POLR2B: variants seen among roughly 807,000 people sequenced by gnomAD.
POLR2B encodes DNA-directed RNA polymerase II subunit RPB2.
POLR2B carries 57 observed loss-of-function variants against 144.6 expected under a neutral mutation model. The ratio of observed to expected loss-of-function variants is 0.39; its 90% confidence interval spans 0.32 to 0.49. The LOEUF (loss-of-function observed/expected upper bound fraction) is 0.49. Among genes scored for constraint, POLR2B ranks in the 20% least tolerant of loss-of-function variants. The pLI, the probability that POLR2B is intolerant of heterozygous loss-of-function variation, is 0.83. For synonymous variants in POLR2B, 442 were observed against 469.8 expected, an observed-to-expected ratio of 0.94 and a Z score of 0.77; for missense variants, 595 against 1,467.4, an observed-to-expected ratio of 0.41 and a Z score of 9.71.
chr4:57,031,157 T>C lies in POLR2B; in HGVS notation c.*169T>C. 1.3e-6 allele frequency: 1 copy of C among 740,894 alleles called. No homozygotes were observed. The highest frequency in any genetic ancestry group is 2.3e-6 in the Non-Finnish European group (1 of 432,808). The allele number at this position is 740,894 out of a possible 1,614,324, so 45.9% of individuals were successfully genotyped here. A position where few individuals can be genotyped will look rare whatever the true frequency, so the allele number is the denominator to read the frequency against. On this transcript the variant is annotated 3_prime_UTR_variant, in exon 25 of 25. Coordinates refer to ENST00000314595, the MANE Select transcript of POLR2B (RefSeq NM_000938.3). The stretch of plus-strand genomic sequence containing the variant: ...ATATATAATAAATTTTTGTAGATAG[T>C]CTTGATGTGTGATCTTTATTTTGTA...
chr4:57,013,443 T>C (rs1157713263), intron 13 of POLR2B, among the ~76,000 whole-genome samples: 3 of 152,180 alleles, frequency 2.0e-5, no homozygotes, highest in Admixed American at 6.5e-5. Flanking sequence ...ATCTGGGCAC[T>C]ATGTTGCCCA....
intron 17 of POLR2B, 87 bp downstream of exon 17, chr4:57,021,082 C>T (rs1026920467): frequency 5.3e-6 from 4 of 759,892 alleles, no homozygotes; most frequent in African/African-American, 5.2e-5. Flanking sequence ...TACAGTTTAA[C>T]TACGCCGCAC....
chr4:56,982,470 A>G (rs1453920812), intron 1 of POLR2B, among the ~76,000 whole-genome samples: 1 of 152,006 alleles, frequency 6.6e-6, no homozygotes, highest in African/African-American at 2.4e-5. Flanking sequence ...TCCTCGGGAT[A>G]CTGAGGTGGG....
intron 1 of POLR2B, among the ~76,000 whole-genome samples, chr4:56,983,671 G>C (rs891920847): frequency 6.6e-6 from 1 of 151,946 alleles, no homozygotes; most frequent in Non-Finnish European, 1.5e-5. Context: ...CGCCCGGCCA[G>C]CTTTTTAAAG....
chr4:56,981,764 A>G (rs1452355444), intron 1 of POLR2B, among the ~76,000 whole-genome samples: 1 of 152,250 alleles, frequency 6.6e-6, no homozygotes. Flanking sequence ...AGCCAAACTT[A>G]TAAAAATAAT....
chr4:57,002,947 C>T (rs1722899887), intron 7 of POLR2B, among the ~76,000 whole-genome samples: 1 of 152,126 alleles, frequency 6.6e-6, no homozygotes, highest in Non-Finnish European at 1.5e-5. Flanking sequence ...CCAGAGTTGT[C>T]AAATGTTACC....
In POLR2B at chr4:57,017,481, T is replaced by G. The variant is rs1476858779; in HGVS notation, c.2155-79T>G. On this transcript the variant is annotated intron_variant, in intron 15 of 24. Coordinates refer to ENST00000314595, the MANE Select transcript of POLR2B (RefSeq NM_000938.3). The surrounding 1 kb of genome is among the most constrained non-coding windows in gnomAD (Gnocchi z 4.8). ...AATCAGGAGTTTTACCAATCATATT[T>G]CTTTTGATTTATTGTCAGAGTCTTT... is the stretch of plus-strand genomic sequence containing the variant. 3.4e-6 allele frequency: 4 copies of G among 1,189,898 alleles called. No homozygotes were observed. The highest frequency in any genetic ancestry group is 4.7e-6 in the Non-Finnish European group (4 of 846,614). The allele number at this position is 1,189,898 out of a possible 1,614,324, so 73.7% of individuals were successfully genotyped here. A position where few individuals can be genotyped will look rare whatever the true frequency, so the allele number is the denominator to read the frequency against.
intron 1 of POLR2B, among the ~76,000 whole-genome samples, chr4:56,982,610 T>C (rs534636052): frequency 6.6e-6 from 1 of 152,234 alleles, no homozygotes; most frequent in East Asian, 1.9e-4. Flanking sequence ...AATTGCGTCC[T>C]TGTAAAAATG....
At position 57,006,813 on chromosome 4, in the gene POLR2B, C is replaced by T; in HGVS notation, c.1218-3C>T. The T allele has an allele frequency of 6.3e-7, 1 of 1,597,530 alleles. No homozygotes were observed. ...TTTAAAATAATACCATTTTATTCGGCAGTATGTTTAAGAATTTGCTTAAAG... is the reference window on the plus strand; with the variant it reads ...TTTAAAATAATACCATTTTATTCGGTAGTATGTTTAAGAATTTGCTTAAAG... On this transcript the variant is annotated splice_region_variant and splice_polypyrimidine_tract_variant and intron_variant, in intron 9 of 24. Transcript: ENST00000314595.
intron 2 of POLR2B, among the ~76,000 whole-genome samples, chr4:56,990,432 C>T (rs574195437): frequency 1.4e-4 from 21 of 152,180 alleles, no homozygotes; most frequent in African/African-American, 4.6e-4. Flanking sequence ...CATTGCGTTG[C>T]CCAGGCTGAA....
chr4:57,026,491 CTTTTG>C (rs1578595478), intron 23 of POLR2B, among the ~76,000 whole-genome samples: 1 of 152,080 alleles, frequency 6.6e-6, no homozygotes, highest in African/African-American at 2.4e-5. Flanking sequence ...ACCCAAAATG[CTTTTG>C]TTTTATGTGA....
Position 57,024,992 on chromosome 4 carries a change from G to C in POLR2B, c.3071G>C (p.Gly1024Ala). ...TCTGATTATGGCTATCATCTCAGAGGAAATGAGGTATATTTGCTCTTATAG... is the reference window on the plus strand; with the variant it reads ...TCTGATTATGGCTATCATCTCAGAGCAAATGAGGTATATTTGCTCTTATAG... ...LLSDYGYHLR[G>A]NEVLYNGFTG... The change falls in exon 22 of 25, where the codon GGA (glycine) becomes GCA (alanine). Residue 1024 changes from glycine to alanine, a missense_variant. Transcript: ENST00000314595. 6.8e-7 allele frequency: 1 copy of C among 1,474,224 alleles called. No homozygotes were observed. Among genetic ancestry groups the C allele is most frequent in the Non-Finnish European group, 9.4e-7 (1 of 1,061,166 alleles). The allele number at this position is 1,474,224 out of a possible 1,614,324, so 91.3% of individuals were successfully genotyped here. A position where few individuals can be genotyped will look rare whatever the true frequency, so the allele number is the denominator to read the frequency against.
intron 13 of POLR2B, among the ~76,000 whole-genome samples, chr4:57,012,903 T>A (rs1723239156): frequency 6.6e-6 from 1 of 151,894 alleles, no homozygotes; most frequent in Admixed American, 6.6e-5. Flanking sequence ...TGCAGTGGCA[T>A]GATCTCGGCT....
rs1722061049 is a variant in POLR2B, at chr4:56,978,902, T to G, written c.-84T>G. On this transcript the variant is annotated 5_prime_UTR_variant, in exon 1 of 25. Coordinates refer to ENST00000314595, the MANE Select transcript of POLR2B (RefSeq NM_000938.3). ...AACGTCGGAGACGGAAGTTACTTCG[T>G]CTTTAGCTCCTGGCGCTGCTGGCTT... is the stretch of plus-strand genomic sequence containing the variant. The G allele has an allele frequency of 7.5e-7, 1 of 1,332,252 alleles. No homozygotes were observed. Among genetic ancestry groups the G allele is most frequent in the African/African-American group, 1.4e-5 (1 of 69,622 alleles). 82.5% of individuals were successfully genotyped at this position (1,332,252 alleles called of 1,614,324 possible). A position where few individuals can be genotyped will look rare whatever the true frequency, so the allele number is the denominator to read the frequency against.
intron 3 of POLR2B, among the ~76,000 whole-genome samples, chr4:56,994,112 T>C (rs1294418485): frequency 6.6e-6 from 1 of 152,182 alleles, no homozygotes; most frequent in Non-Finnish European, 1.5e-5. Flanking sequence ...TGATTGGGTG[T>C]GAGATGTGCC....
At chr4:57,027,664 G>A (rs774039949) in intron 23 of POLR2B, among the ~76,000 whole-genome samples, 10 of 152,186 alleles carry the variant, frequency 6.6e-5, no homozygotes, top group Non-Finnish European at 1.3e-4. Context: ...TTTCTCAAAG[G>A]TTGGTTTTGA....
At chr4:56,991,858 A>T (rs1184755899) in intron 3 of POLR2B, among the ~76,000 whole-genome samples, 4 of 151,970 alleles carry the variant, frequency 2.6e-5, no homozygotes, top group African/African-American at 9.7e-5. Context: ...GGTGTTTCAC[A>T]TGTTGGCCAG....
rs1355067354 is a variant in POLR2B at position 56,982,916 on chromosome 4, C to T, written c.20-3438C>T. Among the ~76,000 whole-genome samples the T allele has an allele frequency of 2.0e-5, 3 of 152,132 alleles. No individual in the cohort carries two copies. In the East Asian group the frequency reaches 5.8e-4, roughly 29 times the overall value. The stretch of plus-strand genomic sequence containing the variant: ...CATCATTTTTGACTCCTCTCTTTCA[C>T]CTCTATATCTAATCAGTCACCAAGC... On this transcript the variant is annotated intron_variant, in intron 1 of 24. Coordinates refer to ENST00000314595, the MANE Select transcript of POLR2B (RefSeq NM_000938.3).
intron 23 of POLR2B, among the ~76,000 whole-genome samples, chr4:57,029,727 T>C (rs995300516): frequency 6.6e-6 from 1 of 152,232 alleles, no homozygotes; most frequent in Non-Finnish European, 1.5e-5. Context: ...ATTGTCTTTT[T>C]CATTATTCAT....
Sources: gnomAD v4.1 joint callset for allele counts (sites outside exome capture counted in the v4.1 genomes callset) on GRCh38, gnomAD v4.1.1 for gene constraint, Gnocchi (gnomAD v3.1) non-coding constraint, MANE v1.5 for transcripts, NCBI Gene and HGNC (gene_info 2026-07-23, HGNC 2026-07-21) for gene names.